ARHGAP15: variants seen among roughly 807,000 people sequenced by gnomAD.
ARHGAP15 encodes Rho GTPase activating protein 15.
Under a neutral mutation model 63.7 loss-of-function variants are expected in ARHGAP15, and 51 were observed. The ratio of observed to expected loss-of-function variants is 0.80; its 90% CI spans 0.64 to 1.01. The LOEUF (loss-of-function observed/expected upper bound fraction) is 1.01, where lower values mean the gene tolerates loss of function less well. Among genes scored for constraint, ARHGAP15 ranks in the 50% least tolerant of loss-of-function variants. The pLI is 0.00. For synonymous variants in ARHGAP15, 191 were observed against 193.8 expected (o/e 0.99, Z 0.12); for missense variants, 560 against 564.6 (o/e 0.99, Z 0.08).
chr2:143,652,161 T>C (rs1158482130), intron 12 of ARHGAP15, among the ~76,000 whole-genome samples: 1 of 152,040 alleles, frequency 6.6e-6, no homozygotes, highest in East Asian at 1.9e-4. Context: ...TTTTTTCTTA[T>C]TCAAACTTGT....
intron 6 of ARHGAP15, among the ~76,000 whole-genome samples, chr2:143,264,460 A>G (rs920828652): frequency 3.9e-5 from 6 of 152,112 alleles, no homozygotes; most frequent in Admixed American, 2.6e-4. Flanking sequence ...TTTCTGAATC[A>G]TATTCCCAAG....
At chr2:143,173,523 A>G (rs1690883835) in intron 2 of ARHGAP15, among the ~76,000 whole-genome samples, 1 of 152,132 alleles carries the variant, frequency 6.6e-6, no homozygotes, top group Non-Finnish European at 1.5e-5. Flanking sequence ...TGGCTTCAAC[A>G]TGCAAAATAA....
At chr2:143,702,937 A>G (rs1434931747) in intron 12 of ARHGAP15, among the ~76,000 whole-genome samples, 1 of 152,178 alleles carries the variant, frequency 6.6e-6, no homozygotes, top group Non-Finnish European at 1.5e-5. Flanking sequence ...TCATATCTGC[A>G]AAGTCCCTTT....
At chr2:143,591,256 T>G (rs1383782447) in intron 11 of ARHGAP15, among the ~76,000 whole-genome samples, 2 of 152,188 alleles carry the variant, frequency 1.3e-5, no homozygotes, top group Non-Finnish European at 2.9e-5. Context: ...CCCCAATCGA[T>G]GTGATTTTGC....
At chr2:143,714,913 C>T (rs1684740394) in intron 13 of ARHGAP15, among the ~76,000 whole-genome samples, 1 of 152,270 alleles carries the variant, frequency 6.6e-6, no homozygotes, top group Non-Finnish European at 1.5e-5. Context: ...CCCACATTTT[C>T]CTGTCTTCTT....
chr2:143,326,698 T>C (rs904598805), intron 6 of ARHGAP15, among the ~76,000 whole-genome samples: 22 of 152,172 alleles, frequency 1.4e-4, no homozygotes, highest in Admixed American at 1.4e-3. Context: ...CCCTGTGATA[T>C]TTAAATGAAA....
chr2:143,289,561 G>T (rs982330881), intron 6 of ARHGAP15, among the ~76,000 whole-genome samples: 9 of 152,124 alleles, frequency 5.9e-5, no homozygotes, highest in African/African-American at 2.2e-4. Context: ...GGAAAACCCT[G>T]GTTGGAAAGC....
At chr2:143,746,907 C>A (rs1042172295) in intron 13 of ARHGAP15, among the ~76,000 whole-genome samples, 1 of 152,044 alleles carries the variant, frequency 6.6e-6, no homozygotes, top group African/African-American at 2.4e-5. Flanking sequence ...AATATAAGTG[C>A]AAAACAACTC....
intron 6 of ARHGAP15, among the ~76,000 whole-genome samples, chr2:143,320,448 T>C (rs1683969967): frequency 1.1e-5 from 1 of 95,142 alleles, no homozygotes; most frequent in African/African-American, 3.9e-5. Flanking sequence ...AACATTTATT[T>C]GCACAGCATT....
intron 6 of ARHGAP15, among the ~76,000 whole-genome samples, chr2:143,400,743 G>C (rs1687956476): frequency 6.6e-6 from 1 of 152,048 alleles, no homozygotes; most frequent in African/African-American, 2.4e-5. Context: ...TTTTATGCTG[G>C]ATGACAAATA....
intron 2 of ARHGAP15, among the ~76,000 whole-genome samples, chr2:143,171,179 G>A (rs973912727): frequency 2.6e-5 from 4 of 152,114 alleles, no homozygotes; most frequent in Non-Finnish European, 4.4e-5. Context: ...TCATGAACAT[G>A]GAGTGACCTC....
At chr2:143,498,407 G>A (rs1182487374) in intron 9 of ARHGAP15, among the ~76,000 whole-genome samples, 1 of 152,132 alleles carries the variant, frequency 6.6e-6, no homozygotes, top group Non-Finnish European at 1.5e-5. Flanking sequence ...TTGGTGGTCT[G>A]TCAGTATTAG....
At chr2:143,387,796 C>T (rs1202824437) in intron 6 of ARHGAP15, among the ~76,000 whole-genome samples, 1 of 152,038 alleles carries the variant, frequency 6.6e-6, no homozygotes, top group Admixed American at 6.6e-5. Flanking sequence ...TGTCAGTACC[C>T]TTATCTGAAG....
chr2:143,379,573 A>G (rs772981810), intron 6 of ARHGAP15, among the ~76,000 whole-genome samples: 35 of 151,188 alleles, frequency 2.3e-4, no homozygotes, highest in Non-Finnish European at 3.5e-4. Flanking sequence ...TATAGTTTAC[A>G]CAATTCTCTC....
intron 3 of ARHGAP15, among the ~76,000 whole-genome samples, chr2:143,212,407 A>G (rs1692596741): frequency 6.6e-6 from 1 of 152,196 alleles, no homozygotes; most frequent in Non-Finnish European, 1.5e-5. Context: ...CAGCCATTTA[A>G]TGTTAAATAG....
intron 6 of ARHGAP15, among the ~76,000 whole-genome samples, chr2:143,346,248 A>ACACT (rs1403843242): frequency 1.5e-5 from 2 of 135,254 alleles, no homozygotes; most frequent in African/African-American, 6.4e-5. Flanking sequence ...ACACACACAC[A>ACACT]CTCACACACA....
At chr2:143,473,871 A>T (rs1164802893) in intron 8 of ARHGAP15, among the ~76,000 whole-genome samples, 2 of 152,192 alleles carry the variant, frequency 1.3e-5, no homozygotes, top group Non-Finnish European at 1.5e-5. Context: ...ATGTCTCAAG[A>T]AGCTTTTGGA....
intron 6 of ARHGAP15, among the ~76,000 whole-genome samples, chr2:143,410,882 C>A (rs1688412653): frequency 6.7e-6 from 1 of 149,016 alleles, no homozygotes; most frequent in African/African-American, 2.5e-5. Context: ...ATCATGATAG[C>A]TTCAATCAGA....
chr2:143,315,184 A>G (rs965543047), intron 6 of ARHGAP15, among the ~76,000 whole-genome samples: 5 of 152,174 alleles, frequency 3.3e-5, no homozygotes, highest in African/African-American at 7.2e-5. Context: ...CTTTCATAAA[A>G]CAGATTTATG....
Sources: gnomAD v4.1 joint callset for allele counts (sites outside exome capture counted in the v4.1 genomes callset) on GRCh38, gnomAD v4.1.1 for gene constraint, MANE v1.5 for transcripts, NCBI Gene and HGNC (gene_info 2026-07-23, HGNC 2026-07-21) for gene names.